Variants in CACNA2D4 observed in about 807,000 individuals in gnomAD.
CACNA2D4 encodes the protein calcium voltage-gated channel auxiliary subunit alpha2delta 4.
Under a neutral mutation model 163.8 loss-of-function variants are expected in CACNA2D4, and 157 were observed. That is an observed-to-expected ratio of 0.96 (90% CI 0.84 to 1.09). The LOEUF is 1.09. Ranked by LOEUF, CACNA2D4 falls within the 50% of genes least tolerant of loss-of-function variation. The pLI, the probability that CACNA2D4 is intolerant of heterozygous loss-of-function variation, is 0.00. For missense variants in CACNA2D4, 1,410 were observed against 1,479.9 expected (o/e 0.95, Z 0.78); for synonymous variants, 598 against 586.9 (o/e 1.02, Z -0.27).
intron 3 of CACNA2D4, among the ~76,000 whole-genome samples, chr12:1,911,638 C>T (rs113740341): frequency 6.6e-6 from 1 of 152,146 alleles, no homozygotes; most frequent in Non-Finnish European, 1.5e-5. Flanking sequence ...CCGCAGGAGG[C>T]GCAGGGACCG....
At chr12:1,826,938 T>C (rs902804237) in intron 26 of CACNA2D4, among the ~76,000 whole-genome samples, 2 of 152,228 alleles carry the variant, frequency 1.3e-5, no homozygotes, top group African/African-American at 2.4e-5. Context: ...TTCACTCTGA[T>C]ATTGTCTCCT....
intron 14 of CACNA2D4, among the ~76,000 whole-genome samples, chr12:1,879,578 G>C (rs1358813016): frequency 1.3e-5 from 2 of 152,188 alleles, no homozygotes; most frequent in African/African-American, 4.8e-5. Flanking sequence ...GCTACTCCCA[G>C]CCAGCCTGCA....
chr12:1,909,844 C>T lies in CACNA2D4; in HGVS notation c.486+62G>A. ...CTACGCCGCCACCCTATGCCGCCAC[C>T]CCCATATCTGGTACTCAGGCGATCC... On this transcript the variant is annotated intron_variant, in intron 4 of 37. Transcript: ENST00000382722. The T allele has an allele frequency of 3.4e-6, 5 of 1,462,554 alleles. No homozygotes were observed. The South Asian group carries it at 4.6e-5, about 14-fold the overall frequency. 90.6% of individuals were successfully genotyped at this position (1,462,554 alleles called of 1,614,324 possible).
At chr12:1,859,282 C>A (rs924578351) in intron 19 of CACNA2D4, among the ~76,000 whole-genome samples, 3 of 151,840 alleles carry the variant, frequency 2.0e-5, no homozygotes, top group African/African-American at 7.3e-5. Context: ...TCGCTTGAGC[C>A]CGGGAGGTGG....
chr12:1,868,621 G>A (rs1463174900), intron 18 of CACNA2D4, among the ~76,000 whole-genome samples: 1 of 151,876 alleles, frequency 6.6e-6, no homozygotes, highest in East Asian at 1.9e-4. Context: ...CAGAGTTTAG[G>A]TGTCCTTACC....
At chr12:1,879,664 G>C (rs1348813322) in intron 14 of CACNA2D4, 140 bp downstream of exon 14, 5 of 702,592 alleles carry the variant, frequency 7.1e-6, no homozygotes, top group Non-Finnish European at 1.0e-5. Flanking sequence ...AGCTACTCTG[G>C]GACAGGCCTG....
rs1395031582 is a variant in CACNA2D4, at chr12:1,798,689, C to T, written c.2995+986G>A. Among the ~76,000 whole-genome samples the T allele has an allele frequency of 6.6e-6, 1 of 152,152 alleles. No homozygotes were observed. Among genetic ancestry groups the T allele is most frequent in the African/African-American group, 2.4e-5 (1 of 41,422 alleles). On this transcript the variant is annotated intron_variant, in intron 34 of 37. Transcript: ENST00000382722. The surrounding 1 kb of genome is among the most constrained non-coding windows in gnomAD (Gnocchi z 4.3). ...ACACTGACATCTGTGTAGGCCAGAC[C>T]AGGGGGAGGAGCTCCAGGGGACAGG...
chr12:1,894,855 C>T (rs1441136739), intron 6 of CACNA2D4, among the ~76,000 whole-genome samples: 2 of 152,142 alleles, frequency 1.3e-5, no homozygotes, highest in Non-Finnish European at 2.9e-5. Flanking sequence ...TTCACCACTC[C>T]TATTCAACAT....
In CACNA2D4 at chr12:1,860,203, G is replaced by C. The variant is rs200098356; in HGVS notation, c.1882C>G (p.Arg628Gly). The C allele has an allele frequency of 6.2e-7, 1 of 1,612,994 alleles. No homozygotes were observed. The highest frequency in any genetic ancestry group is 8.5e-7 in the Non-Finnish European group (1 of 1,179,376). ...DVKVPMDKGK[R>G]VLFLTNDYFF... ...TAGTCATTGGTCAGGAAAAGAACTC[G>C]CTTCTGAAAGAGTAGACAAGGAAAG... Residue 628 changes from arginine to glycine, a missense_variant, in exon 19 of 38, where the codon CGA (arginine) becomes GGA (glycine). By Grantham distance (125) the Arg-to-Gly change is moderately radical. Coordinates refer to ENST00000382722, the MANE Select transcript of CACNA2D4 (RefSeq NM_172364.5).
intron 18 of CACNA2D4, among the ~76,000 whole-genome samples, chr12:1,861,658 A>G (rs999094910): frequency 1.3e-5 from 2 of 151,830 alleles, no homozygotes; most frequent in Admixed American, 6.6e-5. Context: ...GGCCAGGATG[A>G]TCTCAAACTC....
At chr12:1,882,786 A>T (rs562444580) in intron 13 of CACNA2D4, 81 bp downstream of exon 13, 14 of 1,482,472 alleles carry the variant, frequency 9.4e-6, no homozygotes, top group Non-Finnish European at 1.3e-5. Context: ...CCCTTTCCTG[A>T]CCCAGGAAGT....
chr12:1,836,867 G>C (rs968109855), intron 26 of CACNA2D4: 4 of 152,710 alleles, frequency 2.6e-5, no homozygotes, highest in African/African-American at 9.6e-5. Context: ...CTGATGCGTA[G>C]AGCTCTGATG....
chr12:1,826,493 G>A (rs1864333819), intron 26 of CACNA2D4, among the ~76,000 whole-genome samples: 1 of 143,816 alleles, frequency 7.0e-6, no homozygotes, highest in South Asian at 2.3e-4. Flanking sequence ...CCACGCTCAG[G>A]GGCTCCTCCA....
Position 1,795,700 on chromosome 12 carries a change from G to A in CACNA2D4, c.3194C>T (p.Pro1065Leu). Residue 1065 changes from proline to leucine, a missense_variant, in exon 36 of 38, where the codon CCA becomes CTA. Coordinates refer to ENST00000382722, the MANE Select transcript of CACNA2D4 (RefSeq NM_172364.5). ...TDPTCDCSIF[P>L]PVLQEATEVK... ...TTCTGTCGCCTCCTGCAGCACTGGT[G>A]GGAAGATGCTGCAGTCACAGGTGGG... 1 of 1,612,730 alleles carries A rather than the reference G, an allele frequency of 6.2e-7. No homozygotes were observed. The highest frequency in any genetic ancestry group is 8.5e-7 in the Non-Finnish European group (1 of 1,178,842).
At chr12:1,903,324 T>C (rs955749163) in intron 6 of CACNA2D4, among the ~76,000 whole-genome samples, 2 of 151,950 alleles carry the variant, frequency 1.3e-5, no homozygotes, top group African/African-American at 4.8e-5. Context: ...TCCTGAGTAA[T>C]ACCCCATGAG....
chr12:1,864,619 C>T (rs953690470), intron 18 of CACNA2D4, among the ~76,000 whole-genome samples: 5 of 152,196 alleles, frequency 3.3e-5, no homozygotes, highest in African/African-American at 4.8e-5. Context: ...GCGATGAGAA[C>T]GAGGAGGCCC....
chr12:1,892,000 T>C (rs1483045149), intron 6 of CACNA2D4, among the ~76,000 whole-genome samples: 1 of 152,216 alleles, frequency 6.6e-6, no homozygotes, highest in Non-Finnish European at 1.5e-5. Flanking sequence ...ATGGAAAGTC[T>C]ATTTCACAAA....
intron 34 of CACNA2D4, chr12:1,797,763 G>A (rs1394965079): frequency 5.1e-6 from 3 of 586,180 alleles, no homozygotes; most frequent in Non-Finnish European, 9.1e-6. Context: ...CAGGGGCCCT[G>A]AGCCTCGGTG....
At chr12:1,807,800 G>A (rs535240870) in intron 29 of CACNA2D4, among the ~76,000 whole-genome samples, 2 of 152,226 alleles carry the variant, frequency 1.3e-5, no homozygotes, top group Admixed American at 1.3e-4. Context: ...ACTGGGCCCT[G>A]ATCACAGTGG....
Sources: allele counts gnomAD v4.1 joint callset (sites outside exome capture counted in the v4.1 genomes callset), GRCh38; gene constraint gnomAD v4.1.1; non-coding constraint Gnocchi (gnomAD v3.1); transcripts MANE v1.5; gene names NCBI Gene and HGNC (gene_info 2026-07-23, HGNC 2026-07-21).